The following SUPV3L1 variants were observed in gnomAD, a reference collection of about 807,000 sequenced individuals.
The protein encoded by SUPV3L1 is ATP-dependent RNA helicase SUPV3L1, mitochondrial.
SUPV3L1 carries 35 observed loss-of-function variants against 70.0 expected under a neutral mutation model. That is an observed-to-expected ratio of 0.50 (90% CI 0.38 to 0.66). The LOEUF is 0.66. SUPV3L1 is among the 30% of genes least tolerant of loss of function. The pLI, the probability that SUPV3L1 is intolerant of heterozygous loss-of-function variation, is 0.00. For synonymous variants in SUPV3L1, 364 were observed against 341.9 expected (o/e 1.06, Z -0.71); for missense variants, 777 against 961.5 (o/e 0.81, Z 2.54).
At chr10:69,184,694 T>TA (rs2132266424) in intron 1 of SUPV3L1, among the ~76,000 whole-genome samples, 1 of 151,914 alleles carries the variant, frequency 6.6e-6, no homozygotes, top group African/African-American at 2.4e-5. Context: ...TGGGCAGATC[T>TA]AGTGATTCTG....
chr10:69,206,417 G>A (rs1198237056), intron 13 of SUPV3L1, among the ~76,000 whole-genome samples: 1 of 152,192 alleles, frequency 6.6e-6, no homozygotes, highest in Non-Finnish European at 1.5e-5. Context: ...GAATCTTGAA[G>A]CTGAAGATTT....
Position 69,191,656 on chromosome 10 carries a change from G to T in SUPV3L1, c.743G>T (p.Gly248Val). ...CTAGTTTTTTTTCTGTCTTTCTAGG[G>T]TGTGCCATGTGACTTGGTGACAGGT... ...HEIFEKSNAA[G>V]VPCDLVTGEE... The change falls in exon 6 of 15, where the codon GGT (glycine) becomes GTT (valine). Residue 248 changes from glycine (G) to valine (V), a missense_variant and splice_region_variant. Around this residue, in one of 2 missense-constraint regions of SUPV3L1, gnomAD observed 619 missense variants for 823.3 expected, o/e 0.75. Coordinates refer to ENST00000359655, the MANE Select transcript of SUPV3L1 (RefSeq NM_003171.5). The T allele has an allele frequency of 1.2e-6, 2 of 1,613,248 alleles. No homozygotes were observed. Among genetic ancestry groups the T allele is most frequent in the Non-Finnish European group, 1.7e-6 (2 of 1,179,346 alleles).
Position 69,180,330 on chromosome 10 carries a change from G to A in SUPV3L1, c.39G>A (p.Pro13=). Reference sequence around the variant, plus strand: ...GTGCCCTATTGTGGGCTCGGCTCCCGGCGGGGCGCCAGGCTGGCCACCGGG... The same window carrying A: ...GTGCCCTATTGTGGGCTCGGCTCCCAGCGGGGCGCCAGGCTGGCCACCGGG... ...FSRALLWARL[P]AGRQAGHRAA... Residue 13 remains proline (P), a synonymous_variant, in exon 1 of 15, where the codon CCG becomes CCA. Coordinates refer to ENST00000359655, the MANE Select transcript of SUPV3L1 (RefSeq NM_003171.5). 1 of 1,613,952 alleles carries A rather than the reference G, an allele frequency of 6.2e-7. No individual in the cohort carries two copies. Among genetic ancestry groups the A allele is most frequent in the Non-Finnish European group, 8.5e-7 (1 of 1,179,974 alleles).
In SUPV3L1 at chr10:69,180,266, C is replaced by G. The variant is rs1842008077; in HGVS notation, c.-26C>G. Reference sequence around the variant, plus strand: ...TCCGCCGCCGTGTCCGCGGCTGCGCCAGACAGTGTAGAACCTGCGGCCTCG... The same window carrying G: ...TCCGCCGCCGTGTCCGCGGCTGCGCGAGACAGTGTAGAACCTGCGGCCTCG... On this transcript the variant is annotated 5_prime_UTR_variant, in exon 1 of 15. Coordinates refer to ENST00000359655, the MANE Select transcript of SUPV3L1 (RefSeq NM_003171.5). The G allele has an allele frequency of 6.2e-7, 1 of 1,603,732 alleles. No individual in the cohort carries two copies. The highest frequency in any genetic ancestry group is 1.3e-5 in the African/African-American group (1 of 74,644).
chr10:69,193,674 G>A (rs952901609), intron 6 of SUPV3L1, among the ~76,000 whole-genome samples: 2 of 152,126 alleles, frequency 1.3e-5, no homozygotes, highest in Non-Finnish European at 2.9e-5. Context: ...GCCTCCCAAA[G>A]TGCTGGGATT....
rs748612331 is a variant in SUPV3L1, at chr10:69,195,276, G to A, written c.931+11G>A. 4.4e-6 allele frequency: 7 copies of A among 1,590,754 alleles called. No homozygotes were observed. The highest frequency in any genetic ancestry group is 2.3e-5 in the East Asian group (1 of 44,412). On this transcript the variant is annotated intron_variant, in intron 7 of 14. Coordinates refer to ENST00000359655, the MANE Select transcript of SUPV3L1 (RefSeq NM_003171.5). Reference sequence around the variant, plus strand: ...CCAGAGCACTTCTAGGTTGGTGGTCGTAATGCTATAAAACCCGTGCTTTAT... The same window carrying A: ...CCAGAGCACTTCTAGGTTGGTGGTCATAATGCTATAAAACCCGTGCTTTAT...
chr10:69,184,720 G>A (rs1404037444), intron 1 of SUPV3L1, among the ~76,000 whole-genome samples: 4 of 151,506 alleles, frequency 2.6e-5, no homozygotes, highest in Non-Finnish European at 4.4e-5. Flanking sequence ...TCCTCATTCT[G>A]TCAAACAGTT....
chr10:69,194,206 G>C (rs1049600396), intron 6 of SUPV3L1, among the ~76,000 whole-genome samples: 1 of 152,166 alleles, frequency 6.6e-6, no homozygotes, highest in Non-Finnish European at 1.5e-5. Context: ...GGTAGAGTAT[G>C]TAAGAGTATG....
chr10:69,197,110 A>G (rs1269813941), intron 8 of SUPV3L1, 27 bp downstream of exon 8: 1 of 1,602,854 alleles, frequency 6.2e-7, no homozygotes, highest in East Asian at 2.2e-5. Flanking sequence ...TTTGTTCTCC[A>G]GGTGGCATAT....
At chr10:69,201,766 T>C (rs1842685703) in intron 11 of SUPV3L1, among the ~76,000 whole-genome samples, 2 of 152,060 alleles carry the variant, frequency 1.3e-5, no homozygotes, top group South Asian at 4.1e-4. Context: ...CTTGAACTAC[T>C]GTCCTCAAGT....
intron 14 of SUPV3L1, 92 bp downstream of exon 14, chr10:69,208,033 A>G (rs370449008): frequency 6.8e-7 from 1 of 1,468,490 alleles, no homozygotes; most frequent in African/African-American, 1.4e-5. Context: ...AATTATGGAC[A>G]TATTTGCAAG....
rs772023825 is a variant in SUPV3L1 at position 69,203,019 on chromosome 10, T to C, written c.1752T>C (p.Pro584=). The C allele has an allele frequency of 3.1e-6, 5 of 1,613,270 alleles. No individual in the cohort carries two copies. Among genetic ancestry groups the C allele is most frequent in the Non-Finnish European group, 4.2e-6 (5 of 1,179,696 alleles). ...CAGCTCCTATCAACAAGAAGCAGCC[T>C]TTTGTGTGTTCTTCACTGTTACAGG... The part of the protein sequence containing the change: ...FCTAPINKKQ[P]FVCSSLLQFA... Residue 584 remains proline (P), a synonymous_variant, in exon 13 of 15, where the codon CCT becomes CCC. Transcript: ENST00000359655.
At chr10:69,195,317 A>T in intron 7 of SUPV3L1, 52 bp downstream of exon 7, 1 of 1,396,494 alleles carries the variant, frequency 7.2e-7, no homozygotes, top group Non-Finnish European at 9.6e-7. Flanking sequence ...CTGCGCTGAG[A>T]TGCATTTTTA....
chr10:69,191,614 CATT>C (rs752649573), intron 5 of SUPV3L1, 38 bp from the exon 6 acceptor site: 10 of 1,534,994 alleles, frequency 6.5e-6, no homozygotes, highest in Non-Finnish European at 9.0e-6. Flanking sequence ...CGTATTTTTG[CATT>C]ATTTTCAATA....
At chr10:69,201,948 C>T (rs1338344177) in intron 11 of SUPV3L1, among the ~76,000 whole-genome samples, 1 of 151,040 alleles carries the variant, frequency 6.6e-6, no homozygotes, top group East Asian at 1.9e-4. Context: ...TCAAGTGATT[C>T]TCATGCCTCA....
chr10:69,191,177 A>C (rs572063326), intron 5 of SUPV3L1, among the ~76,000 whole-genome samples: 48 of 152,120 alleles, frequency 3.2e-4, no homozygotes, highest in African/African-American at 1.1e-3. Context: ...AAGTTGTGTA[A>C]GAGAGTGGCT....
At chr10:69,201,537 C>CTTT (rs35634841) in intron 11 of SUPV3L1, among the ~76,000 whole-genome samples, 14 of 137,588 alleles carry the variant, frequency 1.0e-4, no homozygotes, top group African/African-American at 1.6e-4. Flanking sequence ...TTTTTCTTTC[C>CTTT]TTTTTTTTTT....
chr10:69,195,533 T>C (rs1842520361), intron 7 of SUPV3L1, among the ~76,000 whole-genome samples: 1 of 152,232 alleles, frequency 6.6e-6, no homozygotes, highest in African/African-American at 2.4e-5. Flanking sequence ...TATGTTTTGG[T>C]GTGTTTCATG....
At chr10:69,180,591 G>C (rs1483323094) in intron 1 of SUPV3L1, 29 bp downstream of exon 1, 1 of 1,609,714 alleles carries the variant, frequency 6.2e-7, no homozygotes, top group Admixed American at 1.7e-5. Flanking sequence ...GAGGGCGGCA[G>C]AGGGTGGTGT....
Sources: gnomAD v4.1 joint callset for allele counts (sites outside exome capture counted in the v4.1 genomes callset) on GRCh38, gnomAD v4.1.1 for gene constraint, gnomAD v4.1.1 regional missense constraint, MANE v1.5 for transcripts, NCBI Gene and HGNC (gene_info 2026-07-23, HGNC 2026-07-21) for gene names.